ALPK1: variants seen among roughly 807,000 people sequenced by gnomAD.
ALPK1 encodes alpha kinase 1, also known as alpha-protein kinase 1.
A neutral mutation model predicts 120.6 loss-of-function variants in ALPK1; 110 were observed. The observed-to-expected ratio is 0.91, with a 90% confidence interval of 0.78 to 1.07. ALPK1 has a LOEUF of 1.07. Ranked by LOEUF, ALPK1 falls within the 50% of genes least tolerant of loss-of-function variation. The pLI is 0.00. For synonymous variants in ALPK1, 582 were observed against 560.3 expected (o/e 1.04, Z -0.55); for missense variants, 1,498 against 1,483.9 (o/e 1.01, Z -0.16).
Position 112,313,170 on chromosome 4 carries a change from G to A in ALPK1, c.-152-2631G>A, listed in dbSNP as rs578226222. ...GAATTTGATGATTACCAATAAATAT[G>A]TGGTATTTACAACCATGAACTGAAT... is the stretch of plus-strand genomic sequence containing the variant. On this transcript the variant is annotated intron_variant, in intron 1 of 15. Coordinates refer to ENST00000650871, the MANE Select transcript of ALPK1 (RefSeq NM_025144.4). 2.6e-5 allele frequency among the ~76,000 whole-genome samples: 4 copies of A among 152,346 alleles called. No homozygotes were observed. The South Asian group carries it at 8.3e-4, about 32-fold the overall frequency.
intron 2 of ALPK1, among the ~76,000 whole-genome samples, chr4:112,327,541 C>T (rs1729166714): frequency 6.6e-6 from 1 of 152,060 alleles, no homozygotes; most frequent in Non-Finnish European, 1.5e-5. Context: ...CTTAAGGGAT[C>T]CCCCCGACCT....
chr4:112,329,363 A>G (rs1033367605), intron 2 of ALPK1, among the ~76,000 whole-genome samples: 2 of 152,206 alleles, frequency 1.3e-5, no homozygotes, highest in South Asian at 4.1e-4. Context: ...TATAACTGAA[A>G]TGCTAGTTCA....
intron 4 of ALPK1, among the ~76,000 whole-genome samples, chr4:112,385,880 T>C (rs1029877410): frequency 2.0e-5 from 3 of 152,314 alleles, no homozygotes; most frequent in Middle Eastern, 3.4e-3. Flanking sequence ...AGTTTATTCA[T>C]AAATATAAAC....
chr4:112,421,649 T>C (rs1214167651), intron 5 of ALPK1, among the ~76,000 whole-genome samples: 1 of 152,216 alleles, frequency 6.6e-6, no homozygotes, highest in Non-Finnish European at 1.5e-5. Context: ...CCCCAGTAGA[T>C]GCCCAAGCCT....
At chr4:112,351,072 G>T (rs1211279202) in intron 2 of ALPK1, among the ~76,000 whole-genome samples, 1 of 152,220 alleles carries the variant, frequency 6.6e-6, no homozygotes, top group African/African-American at 2.4e-5. Context: ...ATGTGGGCCA[G>T]GCTAATAGTT....
chr4:112,374,198 C>T (rs1239078898), intron 2 of ALPK1, among the ~76,000 whole-genome samples: 1 of 152,188 alleles, frequency 6.6e-6, no homozygotes, highest in Non-Finnish European at 1.5e-5. Flanking sequence ...ACATAATATT[C>T]TACATGGTTT....
rs762076975 is a variant in ALPK1 at position 112,431,724 on chromosome 4, C to G, written c.2177C>G (p.Ser726Cys). ...SYRSASWSSDSGRPKNMGTHP... is the reference protein window; with the variant it reads ...SYRSASWSSDCGRPKNMGTHP... The stretch of plus-strand genomic sequence containing the variant: ...CGTTCTGCTTCTTGGTCTTCTGATT[C>G]TGGTAGGCCCAAGAATATGGGCACA... The change falls in exon 11 of 16, where the codon TCT becomes TGT. Residue 726 changes from serine to cysteine, a missense_variant. Ser to Cys is a moderately radical substitution (Grantham distance 112, BLOSUM62 -1). Coordinates refer to ENST00000650871, the MANE Select transcript of ALPK1 (RefSeq NM_025144.4). The G allele has an allele frequency of 6.2e-6, 10 of 1,614,220 alleles. No individual in the cohort carries two copies. In the Admixed American group the frequency reaches 1.7e-4, roughly 27 times the overall value.
intron 4 of ALPK1, among the ~76,000 whole-genome samples, chr4:112,398,539 T>C (rs569653169): frequency 6.6e-6 from 1 of 152,198 alleles, no homozygotes; most frequent in Non-Finnish European, 1.5e-5. Flanking sequence ...GCTCAAGTAA[T>C]CCTCCTGCCT....
rs536596255 is a variant in ALPK1, at chr4:112,335,180, C to T, written c.-101+19328C>T. ...CTGAGGCAGGAGAATCGCTTGAATC[C>T]GGCAGGCGGAGGTTGCGGTGAGTCA... On this transcript the variant is annotated intron_variant, in intron 2 of 15. Transcript: ENST00000650871. Among the ~76,000 whole-genome samples the T allele has an allele frequency of 2.2e-4, 34 of 151,656 alleles. 1 individual carries two copies. Among genetic ancestry groups the T allele is most frequent in the African/African-American group, 7.5e-4 (31 of 41,284 alleles).
chr4:112,442,260 A>G lies in ALPK1; in HGVS notation c.*1050A>G, dbSNP rs1016943497. 6.6e-6 allele frequency: 1 copy of G among 152,238 alleles called. No homozygotes were observed. Among genetic ancestry groups the G allele is most frequent in the Non-Finnish European group, 1.5e-5 (1 of 68,054 alleles). The allele number at this position is 152,238 out of a possible 1,614,324, so 9.4% of individuals were successfully genotyped here. On this transcript the variant is annotated 3_prime_UTR_variant, in exon 16 of 16. Transcript: ENST00000650871. ...AGATGAGATTTGGGTGGGGACACAA[A>G]GCCAAACCATATCACAATGTAACCA...
At chr4:112,319,163 C>T (rs1728758712) in intron 2 of ALPK1, among the ~76,000 whole-genome samples, 1 of 152,098 alleles carries the variant, frequency 6.6e-6, no homozygotes, top group Non-Finnish European at 1.5e-5. Context: ...AGGGAGAAAC[C>T]CTGAAGCAGG....
At chr4:112,329,123 G>A (rs1433588965) in intron 2 of ALPK1, among the ~76,000 whole-genome samples, 1 of 152,152 alleles carries the variant, frequency 6.6e-6, no homozygotes, top group Non-Finnish European at 1.5e-5. Context: ...CTATGAAAAT[G>A]TTGAATGAAT....
At chr4:112,378,548 G>A (rs1366813195) in intron 3 of ALPK1, among the ~76,000 whole-genome samples, 1 of 150,430 alleles carries the variant, frequency 6.6e-6, no homozygotes, top group Non-Finnish European at 1.5e-5. Flanking sequence ...CAATTCTTAT[G>A]TCTTCTTTAA....
intron 2 of ALPK1, among the ~76,000 whole-genome samples, chr4:112,367,143 A>G (rs543104037): frequency 3.7e-4 from 56 of 152,360 alleles, no homozygotes; most frequent in African/African-American, 1.2e-3. Context: ...AGAAATCACC[A>G]CTAAAGAACT....
rs1349054120 is a variant in ALPK1 at position 112,407,787 on chromosome 4, C to G, written c.277-4040C>G. 2.0e-5 allele frequency among the ~76,000 whole-genome samples: 3 copies of G among 152,202 alleles called. No homozygotes were observed. The East Asian group carries it at 5.8e-4, about 29-fold the overall frequency. ...CTGCCCGAGTAGTTACTGCAGCTTC[C>G]CTAAAACTGAAGTGAGACACTAGTA... On this transcript the variant is annotated intron_variant, in intron 4 of 15. Coordinates refer to ENST00000650871, the MANE Select transcript of ALPK1 (RefSeq NM_025144.4).
At chr4:112,369,775 A>G (rs1317281932) in intron 2 of ALPK1, among the ~76,000 whole-genome samples, 1 of 152,256 alleles carries the variant, frequency 6.6e-6, no homozygotes, top group Non-Finnish European at 1.5e-5. Context: ...GAATCTAACC[A>G]AGGGTTAATT....
chr4:112,371,217 C>G (rs1200787552), intron 2 of ALPK1, among the ~76,000 whole-genome samples: 1 of 152,190 alleles, frequency 6.6e-6, no homozygotes, highest in African/African-American at 2.4e-5. Context: ...AACTGATCTT[C>G]CTGCAGTTAC....
intron 4 of ALPK1, among the ~76,000 whole-genome samples, chr4:112,411,350 G>A (rs1206978445): frequency 2.6e-5 from 4 of 152,074 alleles, no homozygotes; most frequent in Non-Finnish European, 4.4e-5. Context: ...TCAGCCTCCC[G>A]AGTAGCTGGG....
At chr4:112,332,737 C>T (rs1729440939) in intron 2 of ALPK1, among the ~76,000 whole-genome samples, 1 of 152,182 alleles carries the variant, frequency 6.6e-6, no homozygotes, top group East Asian at 1.9e-4. Context: ...TAGATTTTGT[C>T]AAATATTCCA....
Sources: gnomAD v4.1 joint callset for allele counts (sites outside exome capture counted in the v4.1 genomes callset) on GRCh38, gnomAD v4.1.1 for gene constraint, MANE v1.5 for transcripts, NCBI Gene and HGNC (gene_info 2026-07-23, HGNC 2026-07-21) for gene names.